Variants in RASGEF1B observed in about 807,000 individuals in gnomAD.
The protein encoded by RASGEF1B is ras-GEF domain-containing family member 1B.
RASGEF1B carries 30 observed loss-of-function variants against 65.7 expected under a neutral mutation model. The observed-to-expected ratio is 0.46, with a 90% CI of 0.34 to 0.62. The LOEUF (loss-of-function observed/expected upper bound fraction) is 0.62, where lower values mean the gene tolerates loss of function less well. Among genes scored for constraint, RASGEF1B ranks in the 20% least tolerant of loss-of-function variants. RASGEF1B has a pLI of 0.01. For missense variants in RASGEF1B, 495 were observed against 580.1 expected (o/e 0.85, Z 1.51); for synonymous variants, 175 against 194.8 (o/e 0.90, Z 0.85).
chr4:81,449,328 A>G (rs1055518569), intron 4 of RASGEF1B, among the ~76,000 whole-genome samples: 1 of 152,200 alleles, frequency 6.6e-6, no homozygotes, highest in Non-Finnish European at 1.5e-5. Flanking sequence ...CTACAGCCTC[A>G]TGCTTAAGAG....
chr4:81,430,352 G>T (rs1296022361), intron 13 of RASGEF1B, among the ~76,000 whole-genome samples: 1 of 152,142 alleles, frequency 6.6e-6, no homozygotes, highest in East Asian at 1.9e-4. Flanking sequence ...GCCTATGTGC[G>T]ACCCGATTCT....
chr4:81,439,542 G>C (rs1459823540), intron 10 of RASGEF1B, among the ~76,000 whole-genome samples: 1 of 152,134 alleles, frequency 6.6e-6, no homozygotes, highest in Non-Finnish European at 1.5e-5. Flanking sequence ...CCTCCCTGGG[G>C]CAGAGCCCAC....
chr4:81,452,299 G>A (rs536435001), intron 4 of RASGEF1B: 1 of 152,276 alleles, frequency 6.6e-6, no homozygotes, highest in East Asian at 1.9e-4. Flanking sequence ...TGGTAGAAAT[G>A]GGGTTTCTCC....
intron 10 of RASGEF1B, among the ~76,000 whole-genome samples, chr4:81,436,977 C>G (rs574450282): frequency 6.6e-6 from 1 of 152,142 alleles, no homozygotes; most frequent in Non-Finnish European, 1.5e-5. Context: ...ATCTCATTAC[C>G]TTTCCTTCTA....
chr4:81,459,591 C>T, intron 1 of RASGEF1B, 77 bp from the exon 2 acceptor site: 1 of 1,088,408 alleles, frequency 9.2e-7, no homozygotes, highest in Non-Finnish European at 1.3e-6. Flanking sequence ...TTAATAGGCA[C>T]TAAGATTTAA....
intron 10 of RASGEF1B, among the ~76,000 whole-genome samples, chr4:81,437,592 C>T (rs114334464): frequency 2.1e-3 from 323 of 152,260 alleles, no homozygotes; most frequent in African/African-American, 7.6e-3. Flanking sequence ...CTCATAAATT[C>T]ACGCCAGGTG....
intron 2 of RASGEF1B, 109 bp downstream of exon 2, chr4:81,459,223 A>G (rs1722554846): frequency 2.3e-6 from 2 of 852,376 alleles, no homozygotes; most frequent in Admixed American, 2.8e-5. Flanking sequence ...TTGTTAGAAA[A>G]ATTCTTAGCA....
intron 4 of RASGEF1B, chr4:81,453,540 C>G (rs1722341286): frequency 6.6e-6 from 1 of 152,158 alleles, no homozygotes; most frequent in Non-Finnish European, 1.5e-5. Flanking sequence ...TGAATATTTT[C>G]AATCTGAGGT....
intron 5 of RASGEF1B, 22 bp from the exon 6 acceptor site, chr4:81,447,600 T>G: frequency 6.3e-7 from 1 of 1,589,958 alleles, no homozygotes; most frequent in Non-Finnish European, 8.6e-7. Flanking sequence ...ACCCAGAAGG[T>G]CAACAGTATT....
intron 10 of RASGEF1B, among the ~76,000 whole-genome samples, chr4:81,436,462 G>A (rs113283843): frequency 6.6e-6 from 1 of 152,202 alleles, no homozygotes; most frequent in Admixed American, 6.5e-5. Context: ...TTGGCTTGAT[G>A]AGGTGGTATT....
intron 1 of RASGEF1B, among the ~76,000 whole-genome samples, chr4:81,470,321 G>A (rs993581320): frequency 8.5e-5 from 13 of 152,112 alleles, no homozygotes; most frequent in Admixed American, 8.5e-4. Flanking sequence ...CTGCTTAACT[G>A]TAAACCTCCT....
At chr4:81,458,459 A>G (rs1413484819) in intron 2 of RASGEF1B, among the ~76,000 whole-genome samples, 1 of 152,258 alleles carries the variant, frequency 6.6e-6, no homozygotes, top group Non-Finnish European at 1.5e-5. Flanking sequence ...GAGATAACTC[A>G]GTAAGAAACA....
chr4:81,433,959 A>G lies in RASGEF1B; in HGVS notation c.1205T>C (p.Phe402Ser). 1 of 1,613,002 alleles carries G rather than the reference A, an allele frequency of 6.2e-7. No homozygotes were observed. The highest frequency in any genetic ancestry group is 8.5e-7 in the Non-Finnish European group (1 of 1,179,346). ...LPNGHVNFEK[F>S]WELAKQVSEF... ...ACTCACTTGTTTGGCCAGTTCCCAA[A>G]ATTTCTGGAAGATAAGTAAAAAAAG... is the stretch of plus-strand genomic sequence containing the variant. Residue 402 changes from phenylalanine (F) to serine (S), a missense_variant, in exon 12 of 14, where the codon TTT becomes TCT. Phe to Ser is a radical substitution (Grantham distance 155, BLOSUM62 -2). Transcript: ENST00000264400.
At position 81,432,294 on chromosome 4, in the gene RASGEF1B, C is replaced by T. The variant is rs1248203588; in HGVS notation, c.1397+5G>A. On this transcript the variant is annotated splice_donor_5th_base_variant and intron_variant, in intron 13 of 13. Transcript: ENST00000264400. ...TTGTGCAGCAATGAGAAGAATGAGA[C>T]CCACCTTAAAGACTTCCATCTGTCT... 6.3e-7 allele frequency: 1 copy of T among 1,592,590 alleles called. No homozygotes were observed. The highest frequency in any genetic ancestry group is 2.2e-5 in the East Asian group (1 of 44,710).
intron 1 of RASGEF1B, chr4:81,471,220 T>G (rs1723010007): frequency 6.6e-6 from 1 of 152,100 alleles, no homozygotes; most frequent in Non-Finnish European, 1.5e-5. Context: ...TACATGGCAC[T>G]GACAACAAAA....
chr4:81,456,918 C>A lies in RASGEF1B; in HGVS notation c.301-130G>T, dbSNP rs1256921887. On this transcript the variant is annotated intron_variant, in intron 3 of 13. Coordinates refer to ENST00000264400, the MANE Select transcript of RASGEF1B (RefSeq NM_152545.3). ...TTAGGGATGAAGAAGAAGCTCCAGC[C>A]CCCCTCCCTCCATGTCAATGCCAAG... The A allele has an allele frequency of 3.9e-6, 3 of 765,474 alleles. No homozygotes were observed. In the Admixed American group the frequency reaches 8.5e-5, roughly 22 times the overall value. The allele number at this position is 765,474 out of a possible 1,614,324, so 47.4% of individuals were successfully genotyped here. A position where few individuals can be genotyped will look rare whatever the true frequency, so the allele number is the denominator to read the frequency against.
chr4:81,432,649 A>G (rs1039051217), intron 12 of RASGEF1B, among the ~76,000 whole-genome samples: 2 of 152,208 alleles, frequency 1.3e-5, no homozygotes, highest in Admixed American at 6.5e-5. Context: ...TGTAAGCCAT[A>G]TGATGCTGTC....
chr4:81,457,224 C>T (rs980487435), intron 3 of RASGEF1B, among the ~76,000 whole-genome samples: 2 of 152,130 alleles, frequency 1.3e-5, no homozygotes, highest in South Asian at 4.1e-4. Flanking sequence ...ACACGTTGGC[C>T]AGGCTGGTCT....
chr4:81,430,245 G>A (rs1206203537), intron 13 of RASGEF1B, among the ~76,000 whole-genome samples: 2 of 152,168 alleles, frequency 1.3e-5, no homozygotes, highest in Non-Finnish European at 2.9e-5. Context: ...AGCCTGCAGT[G>A]AGCCGAGATC....
Sources: gnomAD v4.1 joint callset for allele counts (sites outside exome capture counted in the v4.1 genomes callset) on GRCh38, gnomAD v4.1.1 for gene constraint, MANE v1.5 for transcripts, NCBI Gene and HGNC (gene_info 2026-07-23, HGNC 2026-07-21) for gene names.